VRK3: variants seen among roughly 807,000 people sequenced by gnomAD.
VRK3 encodes VRK serine/threonine kinase 3.
In VRK3, 50 loss-of-function variants were observed where a neutral mutation model predicts 60.4. That is an observed-to-expected ratio of 0.83 (90% CI 0.66 to 1.05). The LOEUF (loss-of-function observed/expected upper bound fraction) is 1.05. Among genes scored for constraint, VRK3 ranks in the 50% least tolerant of loss-of-function variants. The probability of loss-of-function intolerance (pLI) is 0.00; values close to 1 mark genes in which losing one functional copy is unlikely to be tolerated. For synonymous variants in VRK3, 246 were observed against 227.8 expected (o/e 1.08, Z -0.72); for missense variants, 549 against 585.3 (o/e 0.94, Z 0.64).
At chr19:49,979,635 T>A (rs1015233373) in intron 13 of VRK3, among the ~76,000 whole-genome samples, 1 of 152,136 alleles carries the variant, frequency 6.6e-6, no homozygotes, top group African/African-American at 2.4e-5. Context: ...CTGCTTCACC[T>A]CCACCTCCAA....
chr19:50,003,817 G>A (rs1001181748), intron 5 of VRK3, among the ~76,000 whole-genome samples: 22 of 152,226 alleles, frequency 1.4e-4, no homozygotes, highest in Non-Finnish European at 7.3e-5. Flanking sequence ...TGCAAGCTCC[G>A]CATCAGCAGG....
At chr19:49,997,755 C>T in intron 6 of VRK3, 185 bp from the exon 7 acceptor site, 1 of 569,874 alleles carries the variant, frequency 1.8e-6, no homozygotes, top group South Asian at 2.4e-5. Flanking sequence ...CCTTGCTGTA[C>T]CCAGGTTCCT....
chr19:49,978,980 G>A (rs1256443419), intron 14 of VRK3, 103 bp downstream of exon 14: 27 of 1,268,486 alleles, frequency 2.1e-5, no homozygotes, highest in Non-Finnish European at 2.9e-5. Context: ...CTGGGCCCTG[G>A]TATGAACGTG....
At chr19:50,000,663 C>T in intron 6 of VRK3, 127 bp downstream of exon 6, 1 of 1,127,268 alleles carries the variant, frequency 8.9e-7, no homozygotes, top group East Asian at 2.6e-5. Context: ...GGTCTTAATA[C>T]TCCTTGCAGG....
chr19:49,997,377 G>A (rs761727978), intron 7 of VRK3, 127 bp downstream of exon 7: 39 of 1,036,622 alleles, frequency 3.8e-5, no homozygotes, highest in Non-Finnish European at 5.2e-5. Context: ...TATGGACACA[G>A]ATGGGAGCAA....
In VRK3 at chr19:49,982,764, C is replaced by T. The variant is rs563628723; in HGVS notation, c.1218-1751G>A. Among the ~76,000 whole-genome samples, 5 of 152,312 alleles carry T rather than the reference C, an allele frequency of 3.3e-5. No homozygotes were observed. The East Asian group carries it at 9.6e-4, about 29-fold the overall frequency. On this transcript the variant is annotated intron_variant, in intron 12 of 14. Coordinates refer to ENST00000316763, the MANE Select transcript of VRK3 (RefSeq NM_016440.4). The stretch of plus-strand genomic sequence containing the variant: ...CTGTATATGTACATACACACACATA[C>T]ACATATATGTATAACACAAACACAT...
At chr19:49,981,742 C>A in intron 12 of VRK3, 1 of 1,014,512 alleles carries the variant, frequency 9.9e-7, no homozygotes, top group Non-Finnish European at 1.2e-6. Context: ...GTCCTGGGGG[C>A]ACACCGCACA....
chr19:50,011,106 G>C (rs1045571697), intron 3 of VRK3, among the ~76,000 whole-genome samples: 3 of 152,114 alleles, frequency 2.0e-5, no homozygotes, highest in African/African-American at 7.2e-5. Context: ...TGCAACTCCT[G>C]TACTGCTAAG....
In VRK3 at chr19:49,994,838, A is replaced by T. The variant is rs1281067496; in HGVS notation, c.846T>A (p.Ser282=). Residue 282 remains serine, a synonymous_variant, in exon 9 of 15, where the codon TCT becomes TCA. Transcript: ENST00000316763. ...VSPKHVLSER[S]VLQVACRLLD... ...CCAGCCGGCAGGCCACCTGCAGCAC[A>T]GACCTCTCTGACAGCACATGCTTTG... 2.5e-6 allele frequency: 4 copies of T among 1,613,992 alleles called. No homozygotes were observed. The highest frequency in any genetic ancestry group is 3.4e-6 in the Non-Finnish European group (4 of 1,180,000).
chr19:49,989,514 C>G, intron 11 of VRK3, 125 bp downstream of exon 11: 1 of 1,329,616 alleles, frequency 7.5e-7, no homozygotes, highest in Non-Finnish European at 1.0e-6. Flanking sequence ...GGTTCCAATC[C>G]CTGTCCTGGC....
chr19:50,017,863 G>C (rs2077103325), intron 2 of VRK3, among the ~76,000 whole-genome samples: 1 of 151,988 alleles, frequency 6.6e-6, no homozygotes, highest in African/African-American at 2.4e-5. Context: ...GTCTCACTAT[G>C]TTGCCCAGGC....
At chr19:49,985,765 G>C (rs1321600030) in intron 12 of VRK3, among the ~76,000 whole-genome samples, 1 of 152,164 alleles carries the variant, frequency 6.6e-6, no homozygotes, top group Non-Finnish European at 1.5e-5. Context: ...ACATGGCAAG[G>C]GTTCAGTATT....
At chr19:49,997,369 TG>T in intron 7 of VRK3, 134 bp downstream of exon 7, 2 of 923,368 alleles carry the variant, frequency 2.2e-6, no homozygotes, top group Non-Finnish European at 3.3e-6. Context: ...AGTCAGGTTA[TG>T]GACACAGATG....
At chr19:49,989,862 C>T in intron 10 of VRK3, 91 bp from the exon 11 acceptor site, 1 of 1,421,932 alleles carries the variant, frequency 7.0e-7, no homozygotes. Flanking sequence ...AACAAACATT[C>T]TACCAAAGAT....
At chr19:49,984,845 A>AT (rs1044432026) in intron 12 of VRK3, among the ~76,000 whole-genome samples, 1 of 152,036 alleles carries the variant, frequency 6.6e-6, no homozygotes, top group African/African-American at 2.4e-5. Context: ...GGCGGGTCTC[A>AT]AACTCCTGGG....
At position 50,006,327 on chromosome 19, in the gene VRK3, T is replaced by A. The variant is rs897075682; in HGVS notation, c.547+1242A>T. Among the ~76,000 whole-genome samples, 52 of 151,064 alleles carry A rather than the reference T, an allele frequency of 3.4e-4. 1 individual carries two copies. The highest frequency in any genetic ancestry group is 9.2e-4 in the African/African-American group (38 of 41,218). On this transcript the variant is annotated intron_variant, in intron 5 of 14. Coordinates refer to ENST00000316763, the MANE Select transcript of VRK3 (RefSeq NM_016440.4). The stretch of plus-strand genomic sequence containing the variant: ...TCTCTCTCAAAAAAATAAAAAATAA[T>A]AAATAATAATAATAAAAGAATAACT...
chr19:49,986,647 A>T (rs1230217528), intron 12 of VRK3: 1 of 152,294 alleles, frequency 6.6e-6, no homozygotes, highest in Non-Finnish European at 1.5e-5. Flanking sequence ...AAAACGAGAA[A>T]GGCTTCATGT....
At chr19:49,982,000 G>A (rs2076432104) in intron 12 of VRK3, 2 of 643,064 alleles carry the variant, frequency 3.1e-6, no homozygotes. Flanking sequence ...GGGCCGTCAA[G>A]TAGGCTGTCT....
At chr19:49,983,487 T>A (rs757963427) in intron 12 of VRK3, among the ~76,000 whole-genome samples, 1 of 152,154 alleles carries the variant, frequency 6.6e-6, no homozygotes, top group Non-Finnish European at 1.5e-5. Context: ...AAGGCCCGGT[T>A]GTGCCATCAA....
Sources: gnomAD v4.1 joint callset for allele counts (sites outside exome capture counted in the v4.1 genomes callset) on GRCh38, gnomAD v4.1.1 for gene constraint, MANE v1.5 for transcripts, NCBI Gene and HGNC (gene_info 2026-07-23, HGNC 2026-07-21) for gene names.